Variants in GRIK1 observed in about 807,000 individuals in gnomAD.
GRIK1 encodes the protein glutamate ionotropic receptor kainate type subunit 1.
GRIK1 carries 69 observed loss-of-function variants against 105.7 expected under a neutral mutation model. The observed-to-expected ratio is 0.65, with a 90% CI of 0.54 to 0.80. The LOEUF (loss-of-function observed/expected upper bound fraction) is 0.80. GRIK1 is among the 30% of genes least tolerant of loss of function. GRIK1 has a pLI of 0.00. For synonymous variants in GRIK1, 438 were observed against 431.3 expected, an observed-to-expected ratio of 1.02 and a Z score of -0.19; for missense variants, 1,109 against 1,167.3, an observed-to-expected ratio of 0.95 and a Z score of 0.73.
chr21:29,725,633 C>T (rs143506834), intron 1 of GRIK1, among the ~76,000 whole-genome samples: 43 of 152,234 alleles, frequency 2.8e-4, no homozygotes, highest in Admixed American at 1.7e-3. Flanking sequence ...GCTTCATTGT[C>T]GGAAACTTCA....
chr21:29,852,912 A>G (rs1306513006), intron 1 of GRIK1, among the ~76,000 whole-genome samples: 2 of 152,202 alleles, frequency 1.3e-5, no homozygotes, highest in African/African-American at 4.8e-5. Context: ...TCAATAAACT[A>G]TGTAGAGTGT....
intron 1 of GRIK1, among the ~76,000 whole-genome samples, chr21:29,881,171 C>A (rs772928649): frequency 1.3e-5 from 2 of 152,142 alleles, no homozygotes; most frequent in African/African-American, 4.8e-5. Flanking sequence ...CTCTGAACCA[C>A]TTGTAAGTTT....
chr21:29,749,356 G>A (rs577580902), intron 1 of GRIK1, among the ~76,000 whole-genome samples: 1 of 152,216 alleles, frequency 6.6e-6, no homozygotes, highest in East Asian at 1.9e-4. Context: ...TAGACTGGAA[G>A]TCAGGAGAAT....
At chr21:29,769,934 C>T (rs1403494961) in intron 1 of GRIK1, among the ~76,000 whole-genome samples, 1 of 152,122 alleles carries the variant, frequency 6.6e-6, no homozygotes, top group East Asian at 1.9e-4. Flanking sequence ...ATACAGTGTT[C>T]ACTGAATTTT....
At chr21:29,867,858 A>AGG (rs2068856471) in intron 1 of GRIK1, among the ~76,000 whole-genome samples, 2 of 106,528 alleles carry the variant, frequency 1.9e-5, no homozygotes, top group South Asian at 3.8e-4. Context: ...GAAAGAGAGA[A>AGG]AGAGAGAGAA....
intron 1 of GRIK1, among the ~76,000 whole-genome samples, chr21:29,741,386 G>T (rs184849710): frequency 1.3e-5 from 2 of 151,960 alleles, no homozygotes; most frequent in African/African-American, 4.8e-5. Context: ...AACAGCAATC[G>T]TCACATTTTA....
intron 1 of GRIK1, among the ~76,000 whole-genome samples, chr21:29,867,487 C>T (rs985721443): frequency 7.2e-5 from 11 of 151,910 alleles, no homozygotes; most frequent in Non-Finnish European, 1.0e-4. Flanking sequence ...TATTCCATCA[C>T]CACGACTTCA....
chr21:29,725,906 C>T (rs1263962110), intron 1 of GRIK1, among the ~76,000 whole-genome samples: 1 of 152,182 alleles, frequency 6.6e-6, no homozygotes, highest in Non-Finnish European at 1.5e-5. Context: ...TCTGATTTTT[C>T]AGACTTTACA....
intron 1 of GRIK1, among the ~76,000 whole-genome samples, chr21:29,908,341 T>C (rs455242): frequency 0.22 from 33,377 of 151,960 alleles, 4,179 homozygotes; most frequent in African/African-American, 0.34. Flanking sequence ...GTGACCTTTT[T>C]CCCCTTGTTC....
rs550584188 is a variant in GRIK1, at chr21:29,655,201, G to A, written c.727-338C>T. ...AGGCAGGTGGATCACATGAGGTCAG[G>A]AGTTCGAGACCAGCCTGACCATCAT... On this transcript the variant is annotated intron_variant, in intron 4 of 17. Coordinates refer to ENST00000327783, the MANE Select transcript of GRIK1 (RefSeq NM_001330994.2). Among the ~76,000 whole-genome samples, 4 of 152,334 alleles carry A rather than the reference G, an allele frequency of 2.6e-5. No homozygotes were observed. The East Asian group carries it at 7.7e-4, about 29-fold the overall frequency.
At chr21:29,918,152 A>C (rs1177178571) in intron 1 of GRIK1, among the ~76,000 whole-genome samples, 2 of 152,110 alleles carry the variant, frequency 1.3e-5, no homozygotes, top group African/African-American at 2.4e-5. Flanking sequence ...AAAAATGGGC[A>C]TAATGTTGAC....
chr21:29,619,079 T>C (rs1200555591), intron 7 of GRIK1, among the ~76,000 whole-genome samples: 1 of 145,358 alleles, frequency 6.9e-6, no homozygotes, highest in East Asian at 2.0e-4. Flanking sequence ...TGAGCCGAGA[T>C]TGTGCCACTG....
chr21:29,591,850 G>T (rs1012179384), intron 9 of GRIK1, among the ~76,000 whole-genome samples: 3 of 151,904 alleles, frequency 2.0e-5, no homozygotes, highest in Non-Finnish European at 4.4e-5. Context: ...GGTGTTCAAG[G>T]CCAGCCTGGG....
intron 1 of GRIK1, among the ~76,000 whole-genome samples, chr21:29,767,863 C>CGTGTGT (rs2065711512): frequency 1.1e-5 from 1 of 91,572 alleles, no homozygotes; most frequent in Non-Finnish European, 2.2e-5. Context: ...AGCTGAAATT[C>CGTGTGT]ATGTGTGTGT....
chr21:29,785,679 G>T (rs939530011), intron 1 of GRIK1, among the ~76,000 whole-genome samples: 1 of 151,840 alleles, frequency 6.6e-6, no homozygotes, highest in African/African-American at 2.4e-5. Flanking sequence ...TTATGTGACA[G>T]CTTTTTGTTC....
chr21:29,901,234 A>G (rs1379444000), intron 1 of GRIK1, among the ~76,000 whole-genome samples: 1 of 152,194 alleles, frequency 6.6e-6, no homozygotes, highest in African/African-American at 2.4e-5. Context: ...TCACAATTAA[A>G]AAACTAGAGA....
chr21:29,917,545 G>T (rs919834291), intron 1 of GRIK1, among the ~76,000 whole-genome samples: 1 of 152,000 alleles, frequency 6.6e-6, no homozygotes, highest in African/African-American at 2.4e-5. Flanking sequence ...ATGGTGCAAA[G>T]CATTTACATT....
intron 1 of GRIK1, among the ~76,000 whole-genome samples, chr21:29,845,845 T>C (rs1601837550): frequency 6.6e-6 from 1 of 152,130 alleles, no homozygotes; most frequent in Non-Finnish European, 1.5e-5. Flanking sequence ...AAGTAGGAAG[T>C]GAGTGGCAAG....
intron 1 of GRIK1, among the ~76,000 whole-genome samples, chr21:29,820,213 A>G (rs904944327): frequency 6.6e-6 from 1 of 151,998 alleles, no homozygotes; most frequent in Admixed American, 6.6e-5. Context: ...GTCTACTCTC[A>G]CTGTTTCCAT....
Sources: gnomAD v4.1 joint callset for allele counts (sites outside exome capture counted in the v4.1 genomes callset) on GRCh38, gnomAD v4.1.1 for gene constraint, MANE v1.5 for transcripts, NCBI Gene and HGNC (gene_info 2026-07-23, HGNC 2026-07-21) for gene names.